TACR1: variants seen among roughly 807,000 people sequenced by gnomAD.
TACR1 encodes substance-P receptor.
Under a neutral mutation model 35.8 loss-of-function variants are expected in TACR1, and 25 were observed. The ratio of observed to expected loss-of-function variants is 0.70; its 90% CI spans 0.51 to 0.98. The LOEUF is 0.98. Among genes scored for constraint, TACR1 ranks in the 50% least tolerant of loss-of-function variants. The probability of loss-of-function intolerance (pLI) is 0.00; values close to 1 mark genes in which losing one functional copy is unlikely to be tolerated. For synonymous variants in TACR1, 195 were observed against 206.7 expected (o/e 0.94, Z 0.48); for missense variants, 478 against 522.9 (o/e 0.91, Z 0.84).
rs888886121 is a variant in TACR1, at chr2:75,046,501, T to C, written c.*2931A>G. The C allele has an allele frequency of 2.6e-5, 4 of 152,184 alleles. No homozygotes were observed. Among genetic ancestry groups the C allele is most frequent in the Non-Finnish European group, 5.9e-5 (4 of 68,064 alleles). The allele number at this position is 152,184 out of a possible 1,614,324, so 9.4% of individuals were successfully genotyped here. On this transcript the variant is annotated 3_prime_UTR_variant, in exon 5 of 5. Transcript: ENST00000305249. ...ACTTTATTTCTGTATAAAGATTCTT[T>C]CCAGGAGACCAGGCTGGAAAACACG...
At chr2:75,085,027 C>A (rs1350945004) in intron 2 of TACR1, among the ~76,000 whole-genome samples, 1 of 152,046 alleles carries the variant, frequency 6.6e-6, no homozygotes, top group Non-Finnish European at 1.5e-5. Context: ...GTTATGGTGT[C>A]AATTTTAGAT....
intron 1 of TACR1, among the ~76,000 whole-genome samples, chr2:75,152,146 G>A (rs1484082568): frequency 2.0e-5 from 3 of 152,162 alleles, no homozygotes; most frequent in Non-Finnish European, 4.4e-5. Flanking sequence ...GGGTTAATGG[G>A]TTAATGATGA....
At chr2:75,120,046 C>T (rs1219631056) in intron 2 of TACR1, among the ~76,000 whole-genome samples, 1 of 152,022 alleles carries the variant, frequency 6.6e-6, no homozygotes, top group Admixed American at 6.5e-5. Flanking sequence ...GTTCAGATGC[C>T]AGCTCCCCTT....
intron 2 of TACR1, among the ~76,000 whole-genome samples, chr2:75,113,562 G>A (rs560250029): frequency 4.3e-5 from 2 of 46,598 alleles, no homozygotes; most frequent in East Asian, 1.2e-3. Flanking sequence ...TTTTTACTTT[G>A]TTCACTCTGA....
chr2:75,085,106 C>T (rs1328754022), intron 2 of TACR1, among the ~76,000 whole-genome samples: 2 of 151,866 alleles, frequency 1.3e-5, no homozygotes, highest in African/African-American at 2.4e-5. Context: ...TAAATGTGTC[C>T]CAGAGATTCT....
intron 2 of TACR1, among the ~76,000 whole-genome samples, chr2:75,071,437 C>T (rs931122348): frequency 6.6e-6 from 1 of 152,204 alleles, no homozygotes; most frequent in Non-Finnish European, 1.5e-5. Flanking sequence ...TATGGTCTTC[C>T]TAATCCCTTC....
At position 75,166,866 on chromosome 2, in the gene TACR1, G is replaced by A. The variant is rs76645807; in HGVS notation, c.389+31680C>T. 5.1e-3 allele frequency among the ~76,000 whole-genome samples: 772 copies of A among 152,338 alleles called. 13 individuals carry two copies. The highest frequency in any genetic ancestry group is 0.018 in the African/African-American group (741 of 41,574). On this transcript the variant is annotated intron_variant, in intron 1 of 4. Transcript: ENST00000305249. ...GTCTAGTTCTAGGTCATCCTGAGAT[G>A]CAGCTGCTGTGCTGCATTTGGGTTA...
chr2:75,144,926 A>T (rs1161482231), intron 1 of TACR1, among the ~76,000 whole-genome samples: 3 of 152,152 alleles, frequency 2.0e-5, no homozygotes, highest in African/African-American at 7.2e-5. Context: ...TGAATATAAT[A>T]TGTAAAATAT....
intron 1 of TACR1, among the ~76,000 whole-genome samples, chr2:75,197,645 A>G (rs2103642371): frequency 6.6e-6 from 1 of 152,276 alleles, no homozygotes; most frequent in Middle Eastern, 3.4e-3. Flanking sequence ...CCAGAATACC[A>G]TCCCCAGTGT....
chr2:75,138,826 G>A (rs556343749), intron 1 of TACR1, among the ~76,000 whole-genome samples: 2 of 152,206 alleles, frequency 1.3e-5, no homozygotes, highest in South Asian at 4.2e-4. Context: ...CACTATGGCA[G>A]GAGCTGGGAC....
rs1672515921 is a variant in TACR1, at chr2:75,053,733, G to A, written c.607C>T (p.Leu203=). The change falls in exon 3 of 5, where the codon CTG becomes TTG. Residue 203 remains leucine (L), a synonymous_variant. Transcript: ENST00000305249. Reference sequence around the variant, plus strand: ...ACCAGCAGGGGGAGGAAGTAGATCAGCACAGTCACACAGATGTGGTACCTA... The same window carrying A: ...ACCAGCAGGGGGAGGAAGTAGATCAACACAGTCACACAGATGTGGTACCTA... The part of the protein sequence containing the change: ...EKVYHICVTV[L]IYFLPLLVIG... The A allele has an allele frequency of 1.2e-6, 2 of 1,614,074 alleles. No homozygotes were observed. Among genetic ancestry groups the A allele is most frequent in the South Asian group, 1.1e-5 (1 of 91,082 alleles).
intron 2 of TACR1, among the ~76,000 whole-genome samples, chr2:75,098,387 A>G (rs1324383491): frequency 1.3e-5 from 2 of 152,224 alleles, no homozygotes; most frequent in Non-Finnish European, 2.9e-5. Flanking sequence ...TAATCAAACC[A>G]GACCATATCA....
Position 75,115,159 on chromosome 2 carries a change from A to C in TACR1, c.584+5415T>G, listed in dbSNP as rs144855366. Among the ~76,000 whole-genome samples, 1,166 of 151,552 alleles carry C rather than the reference A, an allele frequency of 7.7e-3. 13 individuals are homozygous for C. Among genetic ancestry groups the C allele is most frequent in the African/African-American group, 0.027 (1,115 of 41,238 alleles). On this transcript the variant is annotated intron_variant, in intron 2 of 4. Coordinates refer to ENST00000305249, the MANE Select transcript of TACR1 (RefSeq NM_001058.4). ...CATAGAAACAATTTTAATAACATAG[A>C]AATTGTCTATATGGTAAATGAAATA...
chr2:75,106,534 C>T (rs142282351), intron 2 of TACR1, among the ~76,000 whole-genome samples: 1 of 151,930 alleles, frequency 6.6e-6, no homozygotes, highest in African/African-American at 2.4e-5. Context: ...TATTGTAGAA[C>T]ACACAGGTTA....
chr2:75,107,244 A>G (rs1399206274), intron 2 of TACR1, among the ~76,000 whole-genome samples: 2 of 152,014 alleles, frequency 1.3e-5, no homozygotes, highest in South Asian at 2.1e-4. Context: ...TTTTAAAAAT[A>G]TAAAGAGAAT....
intron 1 of TACR1, among the ~76,000 whole-genome samples, chr2:75,168,011 C>G (rs1019764692): frequency 2.6e-5 from 4 of 152,046 alleles, no homozygotes; most frequent in Admixed American, 1.3e-4. Context: ...TCAGAACTCT[C>G]AAGAAGTAAA....
At chr2:75,157,226 G>C (rs771596832) in intron 1 of TACR1, among the ~76,000 whole-genome samples, 2 of 152,044 alleles carry the variant, frequency 1.3e-5, no homozygotes, top group African/African-American at 2.4e-5. Flanking sequence ...AGACTTGGAG[G>C]AAAGCTAGAC....
At chr2:75,059,377 A>G (rs1672627453) in intron 2 of TACR1, among the ~76,000 whole-genome samples, 1 of 152,350 alleles carries the variant, frequency 6.6e-6, no homozygotes, top group Non-Finnish European at 1.5e-5. Flanking sequence ...ATTCCTGTGT[A>G]TGTTCAAGTT....
At chr2:75,109,756 C>T (rs987047180) in intron 2 of TACR1, among the ~76,000 whole-genome samples, 18 of 152,062 alleles carry the variant, frequency 1.2e-4, no homozygotes, top group Admixed American at 9.2e-4. Context: ...CAGAGGAAGC[C>T]GTGAAGAGCA....
Sources: allele counts gnomAD v4.1 joint callset (sites outside exome capture counted in the v4.1 genomes callset), GRCh38; gene constraint gnomAD v4.1.1; transcripts MANE v1.5; gene names NCBI Gene and HGNC (gene_info 2026-07-23, HGNC 2026-07-21).